The following MDFIC variants were observed in gnomAD, a reference collection of about 807,000 sequenced individuals.
MDFIC encodes the protein myoD family inhibitor domain-containing protein.
A neutral mutation model predicts 23.2 loss-of-function variants in MDFIC; 17 were observed. The ratio of observed to expected loss-of-function variants is 0.73; its 90% CI spans 0.50 to 1.10. The LOEUF is 1.10. Ranked by LOEUF, MDFIC falls within the 50% of genes least tolerant of loss-of-function variation. The probability of loss-of-function intolerance (pLI) is 0.00; values close to 1 mark genes in which losing one functional copy is unlikely to be tolerated. For synonymous variants in MDFIC, 120 were observed against 115.2 expected (o/e 1.04, Z -0.27); for missense variants, 356 against 316.6 (o/e 1.12, Z -0.95).
chr7:114,938,235 C>T (rs1792467444), intron 2 of MDFIC, among the ~76,000 whole-genome samples: 2 of 151,972 alleles, frequency 1.3e-5, no homozygotes, highest in African/African-American at 2.4e-5. Flanking sequence ...GGATTACAGG[C>T]GTGAGCCACC....
rs751242040 is a variant in MDFIC at position 114,923,102 on chromosome 7, C to T, written c.69C>T (p.Gly23=). 7.0e-5 allele frequency: 101 copies of T among 1,449,288 alleles called. 2 individuals carry two copies. In the South Asian group the frequency reaches 1.1e-3, roughly 16 times the overall value. 89.8% of individuals were successfully genotyped at this position (1,449,288 alleles called of 1,614,324 possible). A position where few individuals can be genotyped will look rare whatever the true frequency, so the allele number is the denominator to read the frequency against. The change falls in exon 2 of 5, where the codon GGC becomes GGT. Residue 23 remains glycine, a synonymous_variant. Transcript: ENST00000393486. ...CGCAGCGCGTGGCCGAGGCGGGCGG[C>T]GGCCAGCTGGGCTCCACAGCCCAGG... ...VGPQRVAEAG[G]GQLGSTAQGK... is the part of the protein sequence containing the mutation.
At chr7:114,983,958 A>G (rs1229957333) in intron 4 of MDFIC, among the ~76,000 whole-genome samples, 1 of 152,122 alleles carries the variant, frequency 6.6e-6, no homozygotes, top group African/African-American at 2.4e-5. Context: ...ATATGAAATT[A>G]TCTAATTATA....
chr7:114,985,648 C>T (rs1793498133), intron 4 of MDFIC, among the ~76,000 whole-genome samples: 1 of 151,898 alleles, frequency 6.6e-6, no homozygotes, highest in South Asian at 2.1e-4. Flanking sequence ...CACCACCTCC[C>T]TCTCTGAAAG....
chr7:115,011,733 T>G lies in MDFIC; in HGVS notation c.494-3955T>G, dbSNP rs1791685669. ...GTAGTCTAAGATCTGGAAGAAATAT[T>G]AATTCTCAAATGAATATATCCTATG... On this transcript the variant is annotated intron_variant, in intron 4 of 4. Transcript: ENST00000393486. Among the ~76,000 whole-genome samples the G allele has an allele frequency of 2.6e-5, 4 of 152,360 alleles. No homozygotes were observed. The South Asian group carries it at 8.3e-4, about 32-fold the overall frequency.
chr7:114,932,365 G>A (rs1585092236), intron 2 of MDFIC, among the ~76,000 whole-genome samples: 1 of 152,192 alleles, frequency 6.6e-6, no homozygotes. Context: ...GTTACTAGCA[G>A]GATCTGGTAA....
At position 114,923,708 on chromosome 7, in the gene MDFIC, A is replaced by T. The variant is rs186077969; in HGVS notation, c.94+581A>T. On this transcript the variant is annotated intron_variant, in intron 2 of 4. Coordinates refer to ENST00000393486, the MANE Select transcript of MDFIC (RefSeq NM_001166345.3). ...TTGTGTTCTTCCAAAGTGTAAACAC[A>T]CACAGCCTATAAAATACTCTTGTGT... 1.3e-4 allele frequency: 167 copies of T among 1,326,902 alleles called. No homozygotes were observed. In the African/African-American group the frequency reaches 2.1e-3, roughly 17 times the overall value. 82.2% of individuals were successfully genotyped at this position (1,326,902 alleles called of 1,614,324 possible). A position where few individuals can be genotyped will look rare whatever the true frequency, so the allele number is the denominator to read the frequency against.
intron 3 of MDFIC, among the ~76,000 whole-genome samples, chr7:114,956,370 TAC>T (rs386411063): frequency 1.3e-5 from 2 of 151,206 alleles, no homozygotes; most frequent in African/African-American, 4.9e-5. Flanking sequence ...TATATATATA[TAC>T]ACACACACAT....
intron 3 of MDFIC, among the ~76,000 whole-genome samples, chr7:114,956,159 C>G (rs1489763288): frequency 1.3e-5 from 2 of 152,116 alleles, no homozygotes; most frequent in East Asian, 3.9e-4. Context: ...GCTCCCAATT[C>G]TAGTCCACTT....
chr7:114,959,212 A>G (rs1441682983), intron 3 of MDFIC, among the ~76,000 whole-genome samples: 1 of 152,208 alleles, frequency 6.6e-6, no homozygotes, highest in Non-Finnish European at 1.5e-5. Flanking sequence ...CTCTGGTATG[A>G]CTGAGTAGGT....
intron 4 of MDFIC, among the ~76,000 whole-genome samples, chr7:114,992,040 T>TAG (rs1791180651): frequency 6.6e-6 from 1 of 152,232 alleles, no homozygotes; most frequent in African/African-American, 2.4e-5. Flanking sequence ...CAGTGGTTTG[T>TAG]AGTTCTCCTT....
chr7:114,966,702 T>G (rs1181041208), intron 3 of MDFIC, among the ~76,000 whole-genome samples: 1 of 152,226 alleles, frequency 6.6e-6, no homozygotes, highest in East Asian at 1.9e-4. Flanking sequence ...GAGCAATAGT[T>G]TAAAATCTGG....
intron 4 of MDFIC, chr7:115,014,417 T>A (rs1257916666): frequency 7.8e-7 from 1 of 1,289,630 alleles, no homozygotes; most frequent in Admixed American, 2.3e-5. Flanking sequence ...ATAGCATGGC[T>A]GCCAAGCAAC....
intron 4 of MDFIC, among the ~76,000 whole-genome samples, chr7:114,997,576 GAA>G (rs60307474): frequency 0.39 from 55,810 of 141,648 alleles, 11,041 homozygotes; most frequent in East Asian, 0.45. Context: ...ATCTCTACAG[GAA>G]AAAAAAAAAA....
intron 4 of MDFIC, among the ~76,000 whole-genome samples, chr7:115,002,430 A>C (rs1440572571): frequency 6.6e-6 from 1 of 152,216 alleles, no homozygotes; most frequent in Non-Finnish European, 1.5e-5. Context: ...AATATGTCCC[A>C]AATTCCTGCA....
Position 114,922,989 on chromosome 7 carries a change from C to G in MDFIC, c.-45C>G, listed in dbSNP as rs564413623. ...TTCCTCCGTGCGCCCTGCCGGGCGG[C>G]GAGCTAGGCGGCAGCGGCGCGGCGC... On this transcript the variant is annotated 5_prime_UTR_variant, in exon 2 of 5. Transcript: ENST00000393486. 116 of 1,527,292 alleles carry G rather than the reference C, an allele frequency of 7.6e-5. No homozygotes were observed. The South Asian group carries it at 7.6e-4, about 10-fold the overall frequency. 94.6% of individuals were successfully genotyped at this position (1,527,292 alleles called of 1,614,324 possible).
intron 3 of MDFIC, among the ~76,000 whole-genome samples, chr7:114,947,543 G>T (rs1379773546): frequency 6.6e-6 from 1 of 152,128 alleles, no homozygotes; most frequent in Non-Finnish European, 1.5e-5. Flanking sequence ...CTAGCATGGA[G>T]GTCAAGTTAC....
rs765606481 is a variant in MDFIC at position 114,979,766 on chromosome 7, G to A, written c.478G>A (p.Gly160Ser). 32 of 1,613,598 alleles carry A rather than the reference G, an allele frequency of 2.0e-5. No individual in the cohort carries two copies. Among genetic ancestry groups the A allele is most frequent in the Admixed American group, 5.0e-5 (3 of 59,958 alleles). Residue 160 changes from glycine (G) to serine (S), a missense_variant, in exon 4 of 5, where the codon GGC (glycine) becomes AGC (serine). Transcript: ENST00000393486. ...KVNAVFSQKT[G>S]SSPEDCCVHC... Reference sequence around the variant, plus strand: ...AAATGCTGTCTTTTCCCAAAAGACAGGCTCTTCACCTGAAGGTAAGTTTGA... The same window carrying A: ...AAATGCTGTCTTTTCCCAAAAGACAAGCTCTTCACCTGAAGGTAAGTTTGA...
intron 4 of MDFIC, among the ~76,000 whole-genome samples, chr7:115,001,747 T>C (rs985333265): frequency 1.3e-5 from 2 of 152,134 alleles, no homozygotes; most frequent in Non-Finnish European, 2.9e-5. Flanking sequence ...CTTTTAAAAA[T>C]TACACCCTTA....
intron 2 of MDFIC, among the ~76,000 whole-genome samples, chr7:114,930,608 G>A (rs976533415): frequency 4.6e-5 from 7 of 152,142 alleles, no homozygotes; most frequent in Non-Finnish European, 1.0e-4. Context: ...ATCTTGTTGA[G>A]ATGATTTCAT....
Sources: allele counts gnomAD v4.1 joint callset (sites outside exome capture counted in the v4.1 genomes callset), GRCh38; gene constraint gnomAD v4.1.1; transcripts MANE v1.5; gene names NCBI Gene and HGNC (gene_info 2026-07-23, HGNC 2026-07-21).